BICC1: variants seen among roughly 807,000 people sequenced by gnomAD.
BICC1 encodes protein bicaudal C homolog 1.
A neutral mutation model predicts 111.0 loss-of-function variants in BICC1; 43 were observed. That is an observed-to-expected ratio of 0.39 (90% CI 0.30 to 0.50). The LOEUF is 0.50. Among genes scored for constraint, BICC1 ranks in the 20% least tolerant of loss-of-function variants. BICC1 has a pLI of 0.88. For synonymous variants in BICC1, 467 were observed against 434.4 expected, an observed-to-expected ratio of 1.07 and a Z score of -0.93; for missense variants, 1,091 against 1,203.2, an observed-to-expected ratio of 0.91 and a Z score of 1.38.
chr10:58,805,737 G>A (rs1197009598), intron 15 of BICC1, among the ~76,000 whole-genome samples: 1 of 152,144 alleles, frequency 6.6e-6, no homozygotes. Context: ...AGTCTTTCTG[G>A]TTAAAGAGCT....
At chr10:58,600,913 T>C (rs1036005919) in intron 1 of BICC1, among the ~76,000 whole-genome samples, 5 of 151,946 alleles carry the variant, frequency 3.3e-5, no homozygotes, top group Non-Finnish European at 5.9e-5. Flanking sequence ...CAGTCAGTAG[T>C]AGGGTACTAG....
At chr10:58,653,522 A>C (rs1305900166) in intron 2 of BICC1, among the ~76,000 whole-genome samples, 1 of 152,134 alleles carries the variant, frequency 6.6e-6, no homozygotes, top group East Asian at 1.9e-4. Flanking sequence ...TTTCAGTGAA[A>C]ATGTGGTTCA....
chr10:58,821,539 G>A (rs1486121683), intron 20 of BICC1, among the ~76,000 whole-genome samples: 1 of 152,106 alleles, frequency 6.6e-6, no homozygotes. Flanking sequence ...GCAGATACAG[G>A]CAAAGCAGCT....
chr10:58,688,859 T>G (rs1330887376), intron 2 of BICC1, among the ~76,000 whole-genome samples: 2 of 151,690 alleles, frequency 1.3e-5, no homozygotes, highest in Non-Finnish European at 2.9e-5. Context: ...GAGGAGAACA[T>G]CACACACTGG....
At chr10:58,522,971 C>A (rs1842432945) in intron 1 of BICC1, among the ~76,000 whole-genome samples, 1 of 152,108 alleles carries the variant, frequency 6.6e-6, no homozygotes, top group African/African-American at 2.4e-5. Flanking sequence ...GGATTAATTC[C>A]TCGACATATA....
intron 2 of BICC1, among the ~76,000 whole-genome samples, chr10:58,695,272 C>A (rs961666126): frequency 6.6e-6 from 1 of 152,104 alleles, no homozygotes; most frequent in Non-Finnish European, 1.5e-5. Context: ...TTCCCATCTC[C>A]GCTTAGTTGG....
intron 2 of BICC1, among the ~76,000 whole-genome samples, chr10:58,640,500 T>G (rs1211652347): frequency 6.6e-6 from 1 of 152,240 alleles, no homozygotes; most frequent in African/African-American, 2.4e-5. Flanking sequence ...TTCTTCCCTT[T>G]GTGACCTCTT....
At chr10:58,825,466 A>T (rs1844367986) in intron 20 of BICC1, among the ~76,000 whole-genome samples, 2 of 152,212 alleles carry the variant, frequency 1.3e-5, no homozygotes, top group African/African-American at 4.8e-5. Context: ...AGTGTATTTT[A>T]TCATTTACTA....
At chr10:58,745,618 T>A (rs1841814447) in intron 3 of BICC1, among the ~76,000 whole-genome samples, 1 of 79,886 alleles carries the variant, frequency 1.3e-5, no homozygotes, top group African/African-American at 5.3e-5. Context: ...CCCCCACATT[T>A]TTTTCTGATG....
At chr10:58,568,862 G>T (rs1442610940) in intron 1 of BICC1, among the ~76,000 whole-genome samples, 1 of 152,198 alleles carries the variant, frequency 6.6e-6, no homozygotes, top group East Asian at 1.9e-4. Flanking sequence ...GCCTCTTTAA[G>T]GAAGGGGAAT....
chr10:58,659,417 A>T (rs942507019), intron 2 of BICC1, among the ~76,000 whole-genome samples: 5 of 152,186 alleles, frequency 3.3e-5, no homozygotes, highest in African/African-American at 1.2e-4. Context: ...AAAGAACAAG[A>T]TTATATTCTT....
At chr10:58,650,110 ACTAT>A (rs957094991) in intron 2 of BICC1, 2 of 152,202 alleles carry the variant, frequency 1.3e-5, no homozygotes, top group African/African-American at 4.8e-5. Flanking sequence ...GATGCTAGTC[ACTAT>A]CTACTGAAGA....
intron 2 of BICC1, among the ~76,000 whole-genome samples, chr10:58,672,319 C>CTA (rs1441767741): frequency 1.3e-5 from 2 of 152,110 alleles, no homozygotes; most frequent in Non-Finnish European, 2.9e-5. Context: ...TGGAGTAAGT[C>CTA]TCTCAGTAGA....
At chr10:58,737,404 C>T (rs188973944) in intron 3 of BICC1, among the ~76,000 whole-genome samples, 25 of 152,290 alleles carry the variant, frequency 1.6e-4, no homozygotes, top group Admixed American at 1.6e-3. Flanking sequence ...CAGCTTCATC[C>T]ATGTCCCTGC....
At chr10:58,585,156 A>G (rs1403789475) in intron 1 of BICC1, among the ~76,000 whole-genome samples, 1 of 152,178 alleles carries the variant, frequency 6.6e-6, no homozygotes, top group African/African-American at 2.4e-5. Flanking sequence ...AGACTAACAT[A>G]TTTAGGTAGC....
chr10:58,565,384 C>T (rs933982465), intron 1 of BICC1, among the ~76,000 whole-genome samples: 2 of 152,164 alleles, frequency 1.3e-5, no homozygotes, highest in Admixed American at 6.5e-5. Context: ...TGAGCAGAGC[C>T]TCTTTTCATC....
At chr10:58,635,357 T>G (rs1356608062) in intron 2 of BICC1, among the ~76,000 whole-genome samples, 1 of 152,256 alleles carries the variant, frequency 6.6e-6, no homozygotes, top group Non-Finnish European at 1.5e-5. Context: ...CAGTATTGTT[T>G]GATGAAATGA....
intron 2 of BICC1, among the ~76,000 whole-genome samples, chr10:58,637,913 G>A (rs1445165841): frequency 2.0e-5 from 3 of 152,098 alleles, no homozygotes; most frequent in African/African-American, 7.2e-5. Flanking sequence ...AACAGGACCA[G>A]TAAGGTACAG....
chr10:58,731,761 C>G (rs569173786), intron 3 of BICC1, among the ~76,000 whole-genome samples: 1 of 151,154 alleles, frequency 6.6e-6, no homozygotes, highest in South Asian at 2.1e-4. Flanking sequence ...ATGCTACACA[C>G]TTTTAAACAA....
Sources: allele counts gnomAD v4.1 joint callset (sites outside exome capture counted in the v4.1 genomes callset), GRCh38; gene constraint gnomAD v4.1.1; transcripts MANE v1.5; gene names NCBI Gene and HGNC (gene_info 2026-07-23, HGNC 2026-07-21).